Variants in VPS13B observed in about 807,000 individuals in gnomAD.
VPS13B encodes the protein vacuolar protein sorting 13 homolog B.
VPS13B carries 285 observed loss-of-function variants against 426.4 expected under a neutral mutation model. The observed-to-expected ratio is 0.67, with a 90% CI of 0.61 to 0.74. The LOEUF is 0.74. VPS13B is among the 30% of genes least tolerant of loss of function. VPS13B has a pLI of 0.00. For missense variants in VPS13B, 4,537 were observed against 4,782.6 expected (o/e 0.95, Z 1.51); for synonymous variants, 1,676 against 1,676.4 (o/e 1.00, Z 0.01).
intron 12 of VPS13B, among the ~76,000 whole-genome samples, chr8:99,140,428 T>C (rs1173441055): frequency 6.6e-6 from 1 of 151,908 alleles, no homozygotes; most frequent in East Asian, 1.9e-4. Context: ...TTCTATTATT[T>C]ATTTTTCTTG....
At chr8:99,189,561 A>G (rs1170168038) in intron 16 of VPS13B, among the ~76,000 whole-genome samples, 5 of 152,014 alleles carry the variant, frequency 3.3e-5, no homozygotes, top group Admixed American at 6.6e-5. Context: ...ATATTTCTGT[A>G]TACTATTTCT....
chr8:99,037,715 A>G (rs1328599495), intron 2 of VPS13B, among the ~76,000 whole-genome samples: 3 of 152,176 alleles, frequency 2.0e-5, no homozygotes, highest in Non-Finnish European at 4.4e-5. Flanking sequence ...GCATAAAGCA[A>G]TTTTGGTGAC....
Position 99,853,492 on chromosome 8 carries a change from A to T in VPS13B, c.10103A>T (p.Gln3368Leu), listed in dbSNP as rs377348581. 1 of 1,614,214 alleles carries T rather than the reference A, an allele frequency of 6.2e-7. No homozygotes were observed. ...GTTACATTTAAAATGTTCATCACTCAGTTAAGCCTGGCAGTGTTTGATGAC... is the reference window on the plus strand; with the variant it reads ...GTTACATTTAAAATGTTCATCACTCTGTTAAGCCTGGCAGTGTTTGATGAC... ...KIVTFKMFIT[Q>L]LSLAVFDDLT... is the part of the protein sequence containing the mutation. Residue 3368 changes from glutamine (Q) to leucine (L), a missense_variant, in exon 56 of 62, where the codon CAG becomes CTG. Gln to Leu is a moderately radical substitution (Grantham distance 113). Around this residue, in one of 2 missense-constraint regions of VPS13B, gnomAD observed 4,311 missense variants for 4,474.3 expected, o/e 0.96. Coordinates refer to ENST00000357162, the MANE Select transcript of VPS13B (RefSeq NM_152564.5).
intron 19 of VPS13B, among the ~76,000 whole-genome samples, chr8:99,335,932 G>A (rs201242727): frequency 1.8e-4 from 27 of 152,102 alleles, no homozygotes; most frequent in African/African-American, 2.4e-4. Flanking sequence ...GAAAATGGCC[G>A]TACTGCCCAA....
chr8:99,403,339 A>C (rs1815147304), intron 21 of VPS13B, among the ~76,000 whole-genome samples: 1 of 152,132 alleles, frequency 6.6e-6, no homozygotes, highest in Non-Finnish European at 1.5e-5. Flanking sequence ...ACCTGAGGCC[A>C]GGAGTTCAAG....
chr8:99,756,329 A>T (rs1298292249), intron 39 of VPS13B, among the ~76,000 whole-genome samples: 1 of 152,172 alleles, frequency 6.6e-6, no homozygotes, highest in Non-Finnish European at 1.5e-5. Flanking sequence ...ATTTTAAAAA[A>T]TGAAGAAAAA....
intron 33 of VPS13B, among the ~76,000 whole-genome samples, chr8:99,594,418 G>A (rs924559598): frequency 3.9e-5 from 6 of 151,910 alleles, no homozygotes; most frequent in African/African-American, 1.5e-4. Context: ...TTTCCATAGT[G>A]ATTGTTATAT....
intron 15 of VPS13B, among the ~76,000 whole-genome samples, chr8:99,158,636 C>T (rs941349768): frequency 1.3e-5 from 2 of 152,210 alleles, no homozygotes; most frequent in Non-Finnish European, 2.9e-5. Flanking sequence ...TAAATCTTCA[C>T]TGCTCATGCT....
intron 34 of VPS13B, among the ~76,000 whole-genome samples, chr8:99,660,403 A>G (rs1488473424): frequency 3.3e-5 from 5 of 152,202 alleles, no homozygotes; most frequent in East Asian, 1.9e-4. Flanking sequence ...TAATACTTTA[A>G]TAACACATTT....
chr8:99,541,129 C>T (rs2133726076), intron 30 of VPS13B, among the ~76,000 whole-genome samples: 1 of 152,070 alleles, frequency 6.6e-6, no homozygotes, highest in East Asian at 1.9e-4. Flanking sequence ...TTTAGTATTA[C>T]TTATCTGTTT....
intron 23 of VPS13B, among the ~76,000 whole-genome samples, chr8:99,465,507 G>A (rs1819067477): frequency 6.6e-6 from 1 of 150,746 alleles, no homozygotes; most frequent in Non-Finnish European, 1.5e-5. Context: ...TAGTACCAAT[G>A]TTATTTGGGA....
At chr8:99,839,314 C>T (rs1306766320) in intron 54 of VPS13B, among the ~76,000 whole-genome samples, 4 of 152,114 alleles carry the variant, frequency 2.6e-5, no homozygotes, top group African/African-American at 9.7e-5. Flanking sequence ...CAGCTCTGTG[C>T]CATTTACCAA....
chr8:99,375,648 T>C (rs559502618), intron 19 of VPS13B, among the ~76,000 whole-genome samples: 4 of 152,360 alleles, frequency 2.6e-5, no homozygotes, highest in African/African-American at 9.6e-5. Context: ...ATTACCTTTG[T>C]TTTTGAAGTA....
At chr8:99,401,177 G>A (rs1361580136) in intron 21 of VPS13B, among the ~76,000 whole-genome samples, 1 of 152,032 alleles carries the variant, frequency 6.6e-6, no homozygotes, top group Admixed American at 6.6e-5. Flanking sequence ...CATCTATTTT[G>A]CAAAGGTTTG....
chr8:99,082,531 C>A (rs1845542800), intron 3 of VPS13B, among the ~76,000 whole-genome samples: 1 of 152,126 alleles, frequency 6.6e-6, no homozygotes. Context: ...ACGTGAAGTC[C>A]TTGCCCATGC....
chr8:99,360,449 T>A lies in VPS13B; in HGVS notation c.2825-23759T>A, dbSNP rs997789837. On this transcript the variant is annotated intron_variant, in intron 19 of 61. Transcript: ENST00000357162. Reference sequence around the variant, plus strand: ...CCCACCACCTGCCCGGCTAATTTTTTTGTATTTTTAGTAGAGACGGGGTTT... The same window carrying A: ...CCCACCACCTGCCCGGCTAATTTTTATGTATTTTTAGTAGAGACGGGGTTT... 2.9e-4 allele frequency among the ~76,000 whole-genome samples: 44 copies of A among 151,518 alleles called. 1 individual carries two copies. The highest frequency in any genetic ancestry group is 3.2e-3 in the Middle Eastern group (1 of 314).
At chr8:99,571,200 TCA>T (rs1041598005) in intron 31 of VPS13B, among the ~76,000 whole-genome samples, 2 of 152,172 alleles carry the variant, frequency 1.3e-5, no homozygotes, top group African/African-American at 4.8e-5. Context: ...ATTAACAACC[TCA>T]GTTAATACTT....
At chr8:99,787,553 T>C (rs1169276797) in intron 43 of VPS13B, among the ~76,000 whole-genome samples, 1 of 152,110 alleles carries the variant, frequency 6.6e-6, no homozygotes, top group East Asian at 1.9e-4. Context: ...TTAGATCAGG[T>C]TGGATGAGAA....
chr8:99,335,762 CAATTGCTTCA>C (rs1810814337), intron 19 of VPS13B, among the ~76,000 whole-genome samples: 1 of 152,114 alleles, frequency 6.6e-6, no homozygotes, highest in African/African-American at 2.4e-5. Flanking sequence ...CTCCCACTCA[CAATTGCTTCA>C]AAGAGAATAA....
Sources: gnomAD v4.1 joint callset for allele counts (sites outside exome capture counted in the v4.1 genomes callset) on GRCh38, gnomAD v4.1.1 for gene constraint, gnomAD v4.1.1 regional missense constraint, MANE v1.5 for transcripts, NCBI Gene and HGNC (gene_info 2026-07-23, HGNC 2026-07-21) for gene names.